Variants in PDXK observed in about 807,000 individuals in gnomAD.
The protein encoded by PDXK is epididymis secretory sperm binding protein Li 1a.
Under a neutral mutation model 43.2 loss-of-function variants are expected in PDXK, and 15 were observed. The ratio of observed to expected loss-of-function variants is 0.35; its 90% CI spans 0.23 to 0.53. PDXK has a LOEUF of 0.53. Ranked by LOEUF, PDXK falls within the 20% of genes least tolerant of loss-of-function variation. The pLI is 0.92. For missense variants in PDXK, 343 were observed against 417.0 expected (o/e 0.82, Z 1.54); for synonymous variants, 172 against 165.4 (o/e 1.04, Z -0.31).
chr21:43,751,652 G>A (rs2083753487), intron 7 of PDXK, among the ~76,000 whole-genome samples: 1 of 152,204 alleles, frequency 6.6e-6, no homozygotes, highest in Non-Finnish European at 1.5e-5. Flanking sequence ...AGGGTCTGGC[G>A]GGGGCTACTT....
At chr21:43,748,823 C>T (rs2083682977) in intron 5 of PDXK, among the ~76,000 whole-genome samples, 172 bp from the exon 6 acceptor site, 2 of 152,208 alleles carry the variant, frequency 1.3e-5, no homozygotes, top group African/African-American at 4.8e-5. Flanking sequence ...CTCGGCCACA[C>T]GCTGTCCCCG....
intron 7 of PDXK, among the ~76,000 whole-genome samples, 187 bp downstream of exon 7, chr21:43,750,732 C>CAT (rs2083722122): frequency 8.0e-6 from 1 of 124,238 alleles, no homozygotes; most frequent in Admixed American, 8.2e-5. Flanking sequence ...CATGTTTGTG[C>CAT]ATGTGTGTGT....
At chr21:43,745,483 C>T (rs187436512) in intron 4 of PDXK, among the ~76,000 whole-genome samples, 40 of 150,112 alleles carry the variant, frequency 2.7e-4, no homozygotes, top group Non-Finnish European at 4.7e-4. Context: ...GGGAGTGGGG[C>T]GTGAGTGTAT....
rs556848270 is a variant in PDXK, at chr21:43,734,701, G to A, written c.142+578G>A. Among the ~76,000 whole-genome samples the A allele has an allele frequency of 6.6e-6, 1 of 152,222 alleles. No homozygotes were observed. The highest frequency in any genetic ancestry group is 2.4e-5 in the African/African-American group (1 of 41,540). ...ACTTTGCTGGCTCAGGGGACTGAGGGTGGCCGGCCTCAGAAGCCCCTCACA... is the reference window on the plus strand; with the variant it reads ...ACTTTGCTGGCTCAGGGGACTGAGGATGGCCGGCCTCAGAAGCCCCTCACA... On this transcript the variant is annotated intron_variant, in intron 2 of 10. Coordinates refer to ENST00000291565, the MANE Select transcript of PDXK (RefSeq NM_003681.5). The surrounding 1 kb of genome is among the most constrained non-coding windows in gnomAD (Gnocchi z 5.0).
intron 2 of PDXK, among the ~76,000 whole-genome samples, chr21:43,739,359 C>G (rs1182293009): frequency 6.6e-6 from 1 of 152,142 alleles, no homozygotes; most frequent in African/African-American, 2.4e-5. Context: ...TCTTCTCATT[C>G]CTTTGTCACT....
At chr21:43,731,202 G>A (rs569998301) in intron 1 of PDXK, among the ~76,000 whole-genome samples, 31 of 152,276 alleles carry the variant, frequency 2.0e-4, no homozygotes, top group African/African-American at 7.2e-4. Flanking sequence ...TGGCAATCGC[G>A]TGGCCCAATC....
In PDXK at chr21:43,729,029, G is replaced by A. The variant is rs949496993; in HGVS notation, c.88-5040G>A. The A allele has an allele frequency of 2.5e-5, 25 of 985,434 alleles. No homozygotes were observed. The African/African-American group carries it at 3.7e-4, about 14-fold the overall frequency. The allele number at this position is 985,434 out of a possible 1,614,324, so 61.0% of individuals were successfully genotyped here. On this transcript the variant is annotated intron_variant, in intron 1 of 10. Coordinates refer to ENST00000291565, the MANE Select transcript of PDXK (RefSeq NM_003681.5). ...CCTGCAGGTGGGGGAGCCCCAATAC[G>A]TCACACGGATGAGCGGGGCAAAGCC...
chr21:43,719,891 G>A, intron 1 of PDXK: 1 of 985,478 alleles, frequency 1.0e-6, no homozygotes, highest in African/African-American at 1.7e-5. Context: ...GACGCCGAGT[G>A]AGGTCACGGT....
intron 7 of PDXK, among the ~76,000 whole-genome samples, chr21:43,751,434 G>A (rs534680906): frequency 3.9e-5 from 6 of 152,146 alleles, no homozygotes; most frequent in Non-Finnish European, 7.4e-5. Context: ...CTATAATCCC[G>A]GCTAGTTGGG....
intron 6 of PDXK, 57 bp from the exon 7 acceptor site, chr21:43,750,443 A>G: frequency 6.7e-7 from 1 of 1,482,398 alleles, no homozygotes. Flanking sequence ...GTCAACACAC[A>G]ACCCGGAGAG....
rs1337084914 is a variant in PDXK at position 43,761,133 on chromosome 21, A to G, written c.*5070A>G. ...TTTAGTTTTCCCACTGTCTGAGCCA[A>G]GCAGGACCCTGTCCCAGAGCAAGAG... On this transcript the variant is annotated 3_prime_UTR_variant, in exon 11 of 11. Coordinates refer to ENST00000291565, the MANE Select transcript of PDXK (RefSeq NM_003681.5). 2 of 152,196 alleles carry G rather than the reference A, an allele frequency of 1.3e-5. No homozygotes were observed. Among genetic ancestry groups the G allele is most frequent in the East Asian group, 1.9e-4 (1 of 5,188 alleles). 9.4% of individuals were successfully genotyped at this position (152,196 alleles called of 1,614,324 possible). A position where few individuals can be genotyped will look rare whatever the true frequency, so the allele number is the denominator to read the frequency against.
chr21:43,736,102 TG>T (rs1329694487), intron 2 of PDXK, among the ~76,000 whole-genome samples: 3 of 152,244 alleles, frequency 2.0e-5, no homozygotes, highest in Admixed American at 1.3e-4. Flanking sequence ...AGGCGCTTTT[TG>T]TTTTTTGAGT....
At chr21:43,741,622 C>T in intron 2 of PDXK, 45 bp from the exon 3 acceptor site, 2 of 1,595,636 alleles carry the variant, frequency 1.3e-6, no homozygotes, top group Non-Finnish European at 1.7e-6. Flanking sequence ...ACGGCCCCAG[C>T]TGGCCCCCTT....
In PDXK at chr21:43,732,340, G is replaced by A. The variant is rs369849241; in HGVS notation, c.88-1729G>A. ...GGCACCCCGCCCCCCGTGCATTGTC[G>A]TCTTCTGAGTCTGGCTTTGTCTGGC... On this transcript the variant is annotated intron_variant, in intron 1 of 10. Transcript: ENST00000291565. This position sits in a 1 kb window ranked among gnomAD's most constrained non-coding sequence, Gnocchi z 4.1. The A allele has an allele frequency of 1.4e-4, 226 of 1,607,604 alleles. No individual in the cohort carries two copies. In the East Asian group the frequency reaches 2.2e-3, roughly 15 times the overall value.
rs2083421035 is a variant in PDXK at position 43,737,282 on chromosome 21, GGCCTCGCC to G, written c.142+3166_142+3173del. On this transcript the variant is annotated intron_variant, in intron 2 of 10. Transcript: ENST00000291565. The surrounding 1 kb of genome is among the most constrained non-coding windows in gnomAD (Gnocchi z 4.8). Reference sequence around the variant, plus strand: ...GTGCCTGCAGAGCCCACCTGGCGCAGGCCTCGCCGCCTCGAGGCTGCTGCTCGCACTTC... The same window carrying G: ...GTGCCTGCAGAGCCCACCTGGCGCAGGCCTCGAGGCTGCTGCTCGCACTTC... The G allele has an allele frequency of 7.1e-7, 1 of 1,408,540 alleles. No homozygotes were observed. Among genetic ancestry groups the G allele is most frequent in the Non-Finnish European group, 9.2e-7 (1 of 1,084,118 alleles). 87.3% of individuals were successfully genotyped at this position (1,408,540 alleles called of 1,614,324 possible).
At chr21:43,738,031 C>T (rs1332215275) in intron 2 of PDXK, 1 of 985,362 alleles carries the variant, frequency 1.0e-6, no homozygotes, top group Non-Finnish European at 1.2e-6. Flanking sequence ...GAGACCCGGC[C>T]AAGTGCTGGA....
Position 43,737,129 on chromosome 21 carries a change from T to G in PDXK, c.142+3006T>G. 1 of 1,290,554 alleles carries G rather than the reference T, an allele frequency of 7.7e-7. No homozygotes were observed. The highest frequency in any genetic ancestry group is 1.1e-6 in the Non-Finnish European group (1 of 931,266). 79.9% of individuals were successfully genotyped at this position (1,290,554 alleles called of 1,614,324 possible). ...CAGGGTTGTTACTGGGGTGGTCACGTGGGCAGCTTCTGCCTGGGATGGGCC... is the reference window on the plus strand; with the variant it reads ...CAGGGTTGTTACTGGGGTGGTCACGGGGGCAGCTTCTGCCTGGGATGGGCC... On this transcript the variant is annotated intron_variant, in intron 2 of 10. Coordinates refer to ENST00000291565, the MANE Select transcript of PDXK (RefSeq NM_003681.5). This position sits in a 1 kb window ranked among gnomAD's most constrained non-coding sequence, Gnocchi z 4.8.
chr21:43,752,776 A>C (rs2083776206), intron 8 of PDXK, 147 bp downstream of exon 8: 1 of 614,602 alleles, frequency 1.6e-6, no homozygotes, highest in Non-Finnish European at 2.9e-6. Context: ...ACAGACTCTC[A>C]GGGATCAGGT....
At chr21:43,722,900 C>T (rs530435464) in intron 1 of PDXK, among the ~76,000 whole-genome samples, 2 of 152,192 alleles carry the variant, frequency 1.3e-5, no homozygotes, top group Non-Finnish European at 2.9e-5. Context: ...TGCAGTGGCG[C>T]GATCTCGGCT....
Sources: gnomAD v4.1 joint callset for allele counts (sites outside exome capture counted in the v4.1 genomes callset) on GRCh38, gnomAD v4.1.1 for gene constraint, Gnocchi (gnomAD v3.1) non-coding constraint, MANE v1.5 for transcripts, NCBI Gene and HGNC (gene_info 2026-07-23, HGNC 2026-07-21) for gene names.